Variants in AVEN observed in about 807,000 individuals in gnomAD.
AVEN encodes apoptosis and caspase activation inhibitor.
A neutral mutation model predicts 38.1 loss-of-function variants in AVEN; 41 were observed. That is an observed-to-expected ratio of 1.08 (90% CI 0.84 to 1.40). AVEN has a LOEUF of 1.40. Ranked by LOEUF, AVEN falls within the 40% of genes most tolerant of loss-of-function variation. The pLI, the probability that AVEN is intolerant of heterozygous loss-of-function variation, is 0.00. For synonymous variants in AVEN, 206 were observed against 171.8 expected, an observed-to-expected ratio of 1.20 and a Z score of -1.56; for missense variants, 605 against 438.8, an observed-to-expected ratio of 1.38 and a Z score of -3.38.
At chr15:34,035,615 T>C (rs1023477886) in intron 1 of AVEN, among the ~76,000 whole-genome samples, 9 of 152,182 alleles carry the variant, frequency 5.9e-5, no homozygotes, top group African/African-American at 2.2e-4. Flanking sequence ...TGTCTCATCT[T>C]ATATTAAGTA....
intron 2 of AVEN, among the ~76,000 whole-genome samples, chr15:33,894,841 T>A (rs764481593): frequency 0.018 from 2,515 of 137,522 alleles, 36 homozygotes; most frequent in Middle Eastern, 0.04. Context: ...ATAATAATAA[T>A]AATAATAATA....
intron 2 of AVEN, among the ~76,000 whole-genome samples, chr15:33,886,525 G>A (rs139297821): frequency 2.2e-4 from 33 of 152,160 alleles, no homozygotes; most frequent in East Asian, 1.2e-3. Flanking sequence ...GGATGGTCTC[G>A]ATCTCCTAAC....
chr15:33,903,226 T>C (rs1359202560), intron 2 of AVEN, among the ~76,000 whole-genome samples: 1 of 152,200 alleles, frequency 6.6e-6, no homozygotes, highest in Non-Finnish European at 1.5e-5. Context: ...TATTATGTGG[T>C]GGCAACTACA....
chr15:33,938,784 T>C (rs1894199425), intron 2 of AVEN, among the ~76,000 whole-genome samples: 1 of 152,172 alleles, frequency 6.6e-6, no homozygotes, highest in Non-Finnish European at 1.5e-5. Flanking sequence ...ACCACAAACA[T>C]CATGCTCCCT....
At chr15:33,860,202 G>A (rs1331156709) in intron 11 of AVEN, among the ~76,000 whole-genome samples, 1 of 152,176 alleles carries the variant, frequency 6.6e-6, no homozygotes, top group African/African-American at 2.4e-5. Context: ...AAGACATGCA[G>A]GTGTTGAGGG....
At chr15:33,986,635 C>T (rs977461879) in intron 2 of AVEN, among the ~76,000 whole-genome samples, 10 of 111,570 alleles carry the variant, frequency 9.0e-5, no homozygotes, top group African/African-American at 2.8e-4. Context: ...TAGATCATGA[C>T]CATAAGGCTC....
chr15:33,958,553 T>C (rs893712085), intron 2 of AVEN, among the ~76,000 whole-genome samples: 1 of 147,838 alleles, frequency 6.8e-6, no homozygotes, highest in Middle Eastern at 3.6e-3. Flanking sequence ...ATCATGCCAC[T>C]GCACTCCAGC....
rs199553688 is a variant in AVEN, at chr15:33,861,083, A to G, written n.2730-1989T>C. ...CTGCCTGTTATTTTTCTTAGACTAA[A>G]TGTTTCATCTGTGGGATTGGCAATG... is the stretch of plus-strand genomic sequence containing the variant. On this transcript the variant is annotated intron_variant and non_coding_transcript_variant, in intron 11 of 11. Coordinates refer to the AVEN transcript ENST00000675287. The G allele has an allele frequency of 9.2e-5, 145 of 1,584,014 alleles. No individual in the cohort carries two copies. The East Asian group carries it at 1.4e-3, about 15-fold the overall frequency.
At chr15:33,853,214 A>T in the AVEN span, 1 of 948,656 alleles carries the variant, frequency 1.1e-6, no homozygotes. Context: ...AAGAAGAGTA[A>T]GTCACAGAAG....
intron 2 of AVEN, among the ~76,000 whole-genome samples, chr15:33,983,164 GTGTGTGTATA>G (rs1181885833): frequency 2.7e-5 from 3 of 111,564 alleles, no homozygotes; most frequent in Admixed American, 2.6e-4. Flanking sequence ...GTGTGTATGT[GTGTGTGTATA>G]TATACACACG....
intron 2 of AVEN, among the ~76,000 whole-genome samples, chr15:33,938,838 T>A (rs1894201567): frequency 6.6e-6 from 1 of 152,222 alleles, no homozygotes; most frequent in Admixed American, 6.5e-5. Flanking sequence ...TTCTTCCTTT[T>A]TTTTTGTGGG....
At chr15:33,908,816 A>G (rs540135826) in intron 2 of AVEN, among the ~76,000 whole-genome samples, 1 of 152,334 alleles carries the variant, frequency 6.6e-6, no homozygotes, top group South Asian at 2.1e-4. Flanking sequence ...TTAATGGAGA[A>G]ACTACAAGAG....
intron 2 of AVEN, among the ~76,000 whole-genome samples, chr15:33,890,478 T>G (rs1354113659): frequency 6.6e-6 from 1 of 152,180 alleles, no homozygotes; most frequent in Non-Finnish European, 1.5e-5. Flanking sequence ...CAGTAGTCTA[T>G]GTGCCATAAA....
At chr15:33,857,764 GT>G, downstream of AVEN, 1 of 1,613,746 alleles carries the variant, frequency 6.2e-7, no homozygotes, top group Non-Finnish European at 8.5e-7. Context: ...TCCTTTCTCT[GT>G]CCTCTCATTC....
In AVEN at chr15:33,902,754, C is replaced by T. The variant is rs538234936; in HGVS notation, c.446-26759G>A. On this transcript the variant is annotated intron_variant, in intron 2 of 5. Transcript: ENST00000306730. ...ACACACAAAAATCAGTGCATTCCTA[C>T]GCACAAATAAAACAGCCTAGTTGAA... Among the ~76,000 whole-genome samples, 232 of 152,264 alleles carry T rather than the reference C, an allele frequency of 1.5e-3. 1 individual carries two copies. Among genetic ancestry groups the T allele is most frequent in the South Asian group, 5.0e-3 (24 of 4,822 alleles).
At chr15:33,932,862 T>TAAATAAAA (rs1184605505) in intron 2 of AVEN, among the ~76,000 whole-genome samples, 13 of 151,744 alleles carry the variant, frequency 8.6e-5, no homozygotes, top group Middle Eastern at 3.4e-3. Flanking sequence ...AATAAATAAA[T>TAAATAAAA]AAAAATTGTA....
intron 1 of AVEN, among the ~76,000 whole-genome samples, chr15:34,032,640 T>A (rs1898911091): frequency 6.6e-6 from 1 of 152,066 alleles, no homozygotes; most frequent in African/African-American, 2.4e-5. Context: ...TCAGAAAGAT[T>A]TTCCAAGGAG....
At chr15:33,972,907 C>T (rs1016459076) in intron 2 of AVEN, among the ~76,000 whole-genome samples, 5 of 152,306 alleles carry the variant, frequency 3.3e-5, no homozygotes, top group Admixed American at 2.0e-4. Context: ...AACTACTCCA[C>T]GCATAATTAC....
At position 34,038,991 on chromosome 15, in the gene AVEN, C is replaced by G. The variant is rs1227078806; in HGVS notation, c.56G>C (p.Arg19Pro). ...CTCGCTGTGGCGATCTCCGCCAGGCCGGCCGCGGCCTGGCCGCCGCCCACG... is the reference window on the plus strand; with the variant it reads ...CTCGCTGTGGCGATCTCCGCCAGGCGGGCCGCGGCCTGGCCGCCGCCCACG... ...GGRGRRPGRG[R>P]PGGDRHSERP... Residue 19 changes from arginine (R) to proline (P), a missense_variant, in exon 1 of 6, where the codon CGG (arginine) becomes CCG (proline). Transcript: ENST00000306730. 9.0e-7 allele frequency: 1 copy of G among 1,116,602 alleles called. No individual in the cohort carries two copies. Among genetic ancestry groups the G allele is most frequent in the Non-Finnish European group, 1.1e-6 (1 of 916,538 alleles). The allele number at this position is 1,116,602 out of a possible 1,614,324, so 69.2% of individuals were successfully genotyped here.
Sources: gnomAD v4.1 joint callset for allele counts (sites outside exome capture counted in the v4.1 genomes callset) on GRCh38, gnomAD v4.1.1 for gene constraint, MANE v1.5 for transcripts, NCBI Gene and HGNC (gene_info 2026-07-23, HGNC 2026-07-21) for gene names.